The following RAB40B variants were observed in gnomAD, a reference collection of about 807,000 sequenced individuals.
The protein encoded by RAB40B is RAB40B, member RAS oncogene family, also known as ras-related protein Rab-40B.
RAB40B carries 21 observed loss-of-function variants against 24.0 expected under a neutral mutation model. The ratio of observed to expected loss-of-function variants is 0.88; its 90% CI spans 0.62 to 1.26. RAB40B has a LOEUF of 1.26. RAB40B is among the 50% of genes most tolerant of loss of function. The probability of loss-of-function intolerance (pLI) is 0.00; values close to 1 mark genes in which losing one functional copy is unlikely to be tolerated. For synonymous variants in RAB40B, 167 were observed against 169.8 expected (o/e 0.98, Z 0.13); for missense variants, 348 against 390.5 (o/e 0.89, Z 0.92).
intron 2 of RAB40B, chr17:82,662,484 C>T: frequency 2.0e-6 from 2 of 984,746 alleles, no homozygotes; most frequent in Non-Finnish European, 2.4e-6. Flanking sequence ...CCTGAAGGAG[C>T]AGAGCAGAGC....
intron 1 of RAB40B, among the ~76,000 whole-genome samples, chr17:82,693,894 C>G (rs2046583235): frequency 1.3e-5 from 2 of 150,134 alleles, no homozygotes; most frequent in Admixed American, 1.3e-4. Context: ...ACCATCCTGG[C>G]TAACAAAGTG....
chr17:82,658,410 C>T, intron 5 of RAB40B, 81 bp downstream of exon 5: 1 of 1,483,572 alleles, frequency 6.7e-7, no homozygotes, highest in Non-Finnish European at 9.3e-7. Flanking sequence ...TCCCGGGAGG[C>T]AGACACTTAT....
intron 1 of RAB40B, among the ~76,000 whole-genome samples, chr17:82,689,226 G>A (rs538552505): frequency 3.3e-5 from 5 of 152,390 alleles, no homozygotes; most frequent in Non-Finnish European, 5.9e-5. Context: ...GGCAGGAGGA[G>A]CAGTGAGCAG....
intron 1 of RAB40B, chr17:82,668,415 G>T (rs1294836506): frequency 6.5e-6 from 1 of 154,168 alleles, no homozygotes; most frequent in African/African-American, 2.4e-5. Flanking sequence ...CTTCCACCCA[G>T]AAGTCTGTCT....
intron 1 of RAB40B, among the ~76,000 whole-genome samples, chr17:82,681,047 AAAAG>A (rs1568041384): frequency 4.2e-5 from 6 of 144,450 alleles, no homozygotes; most frequent in African/African-American, 1.5e-4. Context: ...AAAAAAAAAA[AAAAG>A]AAAGAGAAAA....
At chr17:82,690,111 G>T (rs2046540672) in intron 1 of RAB40B, among the ~76,000 whole-genome samples, 1 of 152,240 alleles carries the variant, frequency 6.6e-6, no homozygotes, top group African/African-American at 2.4e-5. Context: ...CGAGGTGGTT[G>T]CCAAGGGAAA....
chr17:82,657,980 G>A lies in RAB40B; in HGVS notation c.720C>T (p.Ser240=), dbSNP rs761064136. ...GGGTGGAGCTGGTGGTGAGGGAGTAGGAACCGCCGTGCATCATCCTGGCAT... is the reference window on the plus strand; with the variant it reads ...GGGTGGAGCTGGTGGTGAGGGAGTAAGAACCGCCGTGCATCATCCTGGCAT... ...GLNARMMHGG[S]YSLTTSSTHK... is the part of the protein sequence containing the mutation. Residue 240 remains serine, a synonymous_variant, in exon 6 of 6, where the codon TCC becomes TCT. Coordinates refer to ENST00000571995, the MANE Select transcript of RAB40B (RefSeq NM_006822.3). The A allele has an allele frequency of 1.4e-5, 22 of 1,614,072 alleles. No individual in the cohort carries two copies. Among genetic ancestry groups the A allele is most frequent in the Non-Finnish European group, 1.7e-5 (20 of 1,180,046 alleles).
At chr17:82,673,063 G>C (rs1345248974) in intron 1 of RAB40B, among the ~76,000 whole-genome samples, 3 of 152,132 alleles carry the variant, frequency 2.0e-5, no homozygotes, top group Non-Finnish European at 2.9e-5. Context: ...AACTAGCCAG[G>C]CATGGTGGTG....
chr17:82,680,644 G>A (rs1332687024), intron 1 of RAB40B, among the ~76,000 whole-genome samples: 1 of 152,112 alleles, frequency 6.6e-6, no homozygotes, highest in East Asian at 1.9e-4. Context: ...GTATATATAT[G>A]ATTTTCTTTC....
At position 82,663,038 on chromosome 17, in the gene RAB40B, C is replaced by T. The variant is rs2046194515; in HGVS notation, c.203+1458G>A. 6.6e-6 allele frequency among the ~76,000 whole-genome samples: 1 copy of T among 152,136 alleles called. No homozygotes were observed. The highest frequency in any genetic ancestry group is 1.5e-5 in the Non-Finnish European group (1 of 68,018). On this transcript the variant is annotated intron_variant, in intron 2 of 5. Transcript: ENST00000571995. The surrounding 1 kb of genome is among the most constrained non-coding windows in gnomAD (Gnocchi z 6.2). Reference sequence around the variant, plus strand: ...AGGGCTCAGGGCCAGGAGGAGGCAGCAAAGGCCCAGCTGGCGGAGGGTGGG... The same window carrying T: ...AGGGCTCAGGGCCAGGAGGAGGCAGTAAAGGCCCAGCTGGCGGAGGGTGGG...
intron 1 of RAB40B, among the ~76,000 whole-genome samples, chr17:82,676,980 A>C (rs1312957645): frequency 7.0e-6 from 1 of 142,290 alleles, no homozygotes; most frequent in Non-Finnish European, 1.5e-5. Flanking sequence ...ACGGAGTCTC[A>C]CTCTGTCGTC....
chr17:82,696,539 G>A (rs1302854499), intron 1 of RAB40B: 1 of 161,040 alleles, frequency 6.2e-6, no homozygotes, highest in Non-Finnish European at 1.4e-5. Flanking sequence ...AGACCCCGAG[G>A]GCACAGTGCA....
At chr17:82,672,675 G>T (rs1392943684) in intron 1 of RAB40B, among the ~76,000 whole-genome samples, 2 of 152,236 alleles carry the variant, frequency 1.3e-5, no homozygotes, top group African/African-American at 2.4e-5. Flanking sequence ...CCCTCTGCCA[G>T]GTTATGACGC....
intron 1 of RAB40B, among the ~76,000 whole-genome samples, chr17:82,666,007 C>T (rs569953006): frequency 9.9e-5 from 15 of 151,972 alleles, no homozygotes; most frequent in Non-Finnish European, 1.6e-4. Context: ...CAGCCTCTAC[C>T]TCCTGGGCTC....
rs528360272 is a variant in RAB40B, at chr17:82,667,239, C to T, written c.143-2683G>A. 5.9e-5 allele frequency among the ~76,000 whole-genome samples: 9 copies of T among 152,338 alleles called. No homozygotes were observed. In the South Asian group the frequency reaches 6.2e-4, roughly 11 times the overall value. The stretch of plus-strand genomic sequence containing the variant: ...CCCTGCATCCCAGGAGGCAGTGTGC[C>T]GAGTTCCTGGTCTCCTGTCGGGCAG... On this transcript the variant is annotated intron_variant, in intron 1 of 5. Transcript: ENST00000571995. This position sits in a 1 kb window ranked among gnomAD's most constrained non-coding sequence, Gnocchi z 4.3.
At chr17:82,660,958 A>C (rs202202395) in intron 3 of RAB40B, 29 bp downstream of exon 3, 3 of 1,609,854 alleles carry the variant, frequency 1.9e-6, no homozygotes, top group South Asian at 2.2e-5. Flanking sequence ...AGTTGGTTTG[A>C]TCTCCCAGCT....
chr17:82,693,825 G>C (rs563414347), intron 1 of RAB40B, among the ~76,000 whole-genome samples: 1 of 152,208 alleles, frequency 6.6e-6, no homozygotes, highest in South Asian at 2.1e-4. Context: ...GCTCACGCCT[G>C]TAATTCCAGC....
At chr17:82,669,785 G>A (rs1165409131) in intron 1 of RAB40B, among the ~76,000 whole-genome samples, 3 of 152,206 alleles carry the variant, frequency 2.0e-5, no homozygotes, top group Non-Finnish European at 4.4e-5. Flanking sequence ...TCTCTTCACA[G>A]TCCTTTAAAA....
chr17:82,666,700 G>T (rs1183711188), intron 1 of RAB40B, among the ~76,000 whole-genome samples: 1 of 152,068 alleles, frequency 6.6e-6, no homozygotes, highest in African/African-American at 2.4e-5. Context: ...GAGAGGGTTT[G>T]AGTTAAGGGG....
Sources: allele counts gnomAD v4.1 joint callset (sites outside exome capture counted in the v4.1 genomes callset), GRCh38; gene constraint gnomAD v4.1.1; non-coding constraint Gnocchi (gnomAD v3.1); transcripts MANE v1.5; gene names NCBI Gene and HGNC (gene_info 2026-07-23, HGNC 2026-07-21).